The following DNAH14 variants were observed in gnomAD, a reference collection of about 807,000 sequenced individuals.
DNAH14 encodes the protein axonemal beta dynein heavy chain 14.
In DNAH14, 478 loss-of-function variants were observed where a neutral mutation model predicts 520.9. The ratio of observed to expected loss-of-function variants is 0.92; its 90% confidence interval spans 0.85 to 0.99. The LOEUF is 0.99. Ranked by LOEUF, DNAH14 falls within the 50% of genes least tolerant of loss-of-function variation. The pLI is 0.00. For synonymous variants in DNAH14, 1,581 were observed against 1,757.2 expected (o/e 0.90, Z 2.51); for missense variants, 4,831 against 5,234.5 (o/e 0.92, Z 2.38).
At chr1:225,152,664 GT>G (rs754226673) in intron 32 of DNAH14, 32 bp from the exon 33 acceptor site, 12 of 1,501,820 alleles carry the variant, frequency 8.0e-6, no homozygotes, top group Non-Finnish European at 1.1e-5. Context: ...GAGAAGTGGT[GT>G]TTTTATTGTT....
intron 1 of DNAH14, among the ~76,000 whole-genome samples, chr1:224,942,479 A>C (rs1218610486): frequency 1.3e-5 from 2 of 152,074 alleles, no homozygotes; most frequent in Non-Finnish European, 2.9e-5. Context: ...CACTTTTCCT[A>C]ATTGAATACC....
chr1:225,214,376 G>C (rs535020861), intron 41 of DNAH14, among the ~76,000 whole-genome samples: 68 of 151,976 alleles, frequency 4.5e-4, no homozygotes, highest in African/African-American at 1.6e-3. Flanking sequence ...TCTCTTTTTT[G>C]GTTGTGTCTC....
At position 225,165,570 on chromosome 1, in the gene DNAH14, T is replaced by TTGG. The variant is rs2081963729; in HGVS notation, c.5446-2368_5446-2367insGGT. On this transcript the variant is annotated intron_variant, in intron 35 of 85. Transcript: ENST00000682510. ...TTTGTTTTTTTTTTTTACTTGTTTGTTTGGTTGGTTGGTTGGTTGGTTGGT... is the reference window on the plus strand; with the variant it reads ...TTTGTTTTTTTTTTTTACTTGTTTGTTGGTTGGTTGGTTGGTTGGTTGGTTGGT... Among the ~76,000 whole-genome samples, 4 of 150,502 alleles carry TTGG rather than the reference T, an allele frequency of 2.7e-5. No homozygotes were observed. The South Asian group carries it at 8.5e-4, about 32-fold the overall frequency.
At chr1:225,333,862 A>C (rs1001216938) in intron 66 of DNAH14, among the ~76,000 whole-genome samples, 1 of 152,210 alleles carries the variant, frequency 6.6e-6, no homozygotes, top group African/African-American at 2.4e-5. Flanking sequence ...ACAGCCAAAA[A>C]TATAGAACTA....
intron 43 of DNAH14, among the ~76,000 whole-genome samples, chr1:225,249,550 C>G (rs2092453590): frequency 6.6e-6 from 1 of 152,090 alleles, no homozygotes. Context: ...GGGAAGGGAA[C>G]CTAAGAAGAA....
At chr1:225,038,937 C>A in intron 12 of DNAH14, 114 bp downstream of exon 12, 2 of 847,452 alleles carry the variant, frequency 2.4e-6, no homozygotes, top group Non-Finnish European at 3.5e-6. Flanking sequence ...CCAACATACC[C>A]TCGCCAACAC....
intron 8 of DNAH14, among the ~76,000 whole-genome samples, chr1:224,997,556 C>G (rs2063478718): frequency 6.6e-6 from 1 of 151,840 alleles, no homozygotes; most frequent in African/African-American, 2.4e-5. Context: ...TGAATAGTTG[C>G]TAGTTGAACT....
chr1:225,332,386 T>G (rs1159667621), intron 65 of DNAH14, among the ~76,000 whole-genome samples: 1 of 152,128 alleles, frequency 6.6e-6, no homozygotes, highest in Non-Finnish European at 1.5e-5. Flanking sequence ...ATATCCCAGA[T>G]GGTGAGCACC....
intron 12 of DNAH14, among the ~76,000 whole-genome samples, chr1:225,040,295 A>G (rs1177655474): frequency 6.6e-6 from 1 of 152,180 alleles, no homozygotes; most frequent in Non-Finnish European, 1.5e-5. Context: ...AAATATTCAC[A>G]TGTATTAGTG....
intron 17 of DNAH14, among the ~76,000 whole-genome samples, chr1:225,053,650 A>G (rs1230712952): frequency 5.9e-5 from 9 of 152,176 alleles, no homozygotes; most frequent in Non-Finnish European, 1.2e-4. Context: ...CATCTAGGAC[A>G]TGAATCAACA....
chr1:225,087,110 TAAC>T (rs918509368), intron 21 of DNAH14, among the ~76,000 whole-genome samples: 1 of 151,908 alleles, frequency 6.6e-6, no homozygotes, highest in Non-Finnish European at 1.5e-5. Context: ...AGTGTTGCCT[TAAC>T]AATACCACAC....
Position 225,023,689 on chromosome 1 carries a change from G to A in DNAH14, c.1182G>A (p.Leu394=). ...AAGATGACACAACACATTTCAAGCTGCCTAAATATAGACGTTTATTAGAAA... is the reference window on the plus strand; with the variant it reads ...AAGATGACACAACACATTTCAAGCTACCTAAATATAGACGTTTATTAGAAA... The part of the protein sequence containing the change: ...LSEDDTTHFK[L]PKYRRLLETF... Residue 394 remains leucine (L), a synonymous_variant, in exon 11 of 86, where the codon CTG becomes CTA. Coordinates refer to ENST00000682510, the MANE Select transcript of DNAH14 (RefSeq NM_001367479.1). 5 of 1,550,798 alleles carry A rather than the reference G, an allele frequency of 3.2e-6. No homozygotes were observed. Among genetic ancestry groups the A allele is most frequent in the Non-Finnish European group, 4.4e-6 (5 of 1,146,500 alleles).
At chr1:225,267,271 A>T (rs1421505481) in intron 49 of DNAH14, among the ~76,000 whole-genome samples, 2 of 151,628 alleles carry the variant, frequency 1.3e-5, no homozygotes, top group African/African-American at 4.8e-5. Flanking sequence ...TGTTACATTG[A>T]ACCTAAATCA....
rs1227449091 is a variant in DNAH14, at chr1:225,152,713, G to C, written c.5026G>C (p.Glu1676Gln). Residue 1676 changes from glutamate (E) to glutamine (Q), a missense_variant, in exon 33 of 86, where the codon GAG (glutamate) becomes CAG (glutamine). Glu to Gln is a conservative substitution (Grantham distance 29, BLOSUM62 2). Transcript: ENST00000682510. ...CCTCTTCAGATACGGAGGTGGAGTA[G>C]AGCTCCCAGATAACTTAAAATCTCT... is the stretch of plus-strand genomic sequence containing the variant. The part of the protein sequence containing the change: ...TMNPRYGGGV[E>Q]LPDNLKSLFR... 2 of 1,548,826 alleles carry C rather than the reference G, an allele frequency of 1.3e-6. No homozygotes were observed. The highest frequency in any genetic ancestry group is 1.7e-6 in the Non-Finnish European group (2 of 1,145,856).
chr1:225,338,095 C>A lies in DNAH14; in HGVS notation c.10346C>A (p.Ala3449Glu). The A allele has an allele frequency of 6.4e-7, 1 of 1,550,494 alleles. No individual in the cohort carries two copies. Among genetic ancestry groups the A allele is most frequent in the Non-Finnish European group, 8.7e-7 (1 of 1,146,666 alleles). ...LLETLAPGLKAILKKDIYQKK... is the reference protein window; with the variant it reads ...LLETLAPGLKEILKKDIYQKK... ...GAGACATTAGCTCCAGGCTTAAAGG[C>A]AATTCTGAAAAAGGATATCTATCAG... is the stretch of plus-strand genomic sequence containing the variant. The change falls in exon 68 of 86, where the codon GCA (alanine) becomes GAA (glutamate). Residue 3449 changes from alanine (A) to glutamate (E), a missense_variant. Transcript: ENST00000682510.
At chr1:225,002,052 T>C (rs2063810884) in intron 8 of DNAH14, among the ~76,000 whole-genome samples, 1 of 152,124 alleles carries the variant, frequency 6.6e-6, no homozygotes, top group South Asian at 2.1e-4. Flanking sequence ...TAATTTCTGA[T>C]TATTATATTT....
At chr1:225,192,532 T>C (rs2085580741) in intron 37 of DNAH14, among the ~76,000 whole-genome samples, 164 bp from the exon 38 acceptor site, 2 of 152,138 alleles carry the variant, frequency 1.3e-5, no homozygotes, top group South Asian at 4.1e-4. Flanking sequence ...TGGATAATTT[T>C]AAGAAGTCAA....
chr1:225,335,684 C>T lies in DNAH14; in HGVS notation c.10081-1582C>T, dbSNP rs1558434090. Among the ~76,000 whole-genome samples, 105 of 82,512 alleles carry T rather than the reference C, an allele frequency of 1.3e-3. 26 individuals carry two copies. Among genetic ancestry groups the T allele is most frequent in the African/African-American group, 3.7e-3 (62 of 16,766 alleles). 54.1% of individuals were successfully genotyped at this position (82,512 alleles called of 152,430 possible). A position where few individuals can be genotyped will look rare whatever the true frequency, so the allele number is the denominator to read the frequency against. On this transcript the variant is annotated intron_variant, in intron 66 of 85. Coordinates refer to ENST00000682510, the MANE Select transcript of DNAH14 (RefSeq NM_001367479.1). ...ATACATATGTGCATATATGTATATA[C>T]GCATATATACATATGTGCATATATG...
chr1:225,198,824 G>A (rs538644380), intron 38 of DNAH14, among the ~76,000 whole-genome samples: 2 of 152,060 alleles, frequency 1.3e-5, no homozygotes, highest in Non-Finnish European at 2.9e-5. Context: ...TCCTTTCCTG[G>A]TTTTGGTATT....
Sources: gnomAD v4.1 joint callset for allele counts (sites outside exome capture counted in the v4.1 genomes callset) on GRCh38, gnomAD v4.1.1 for gene constraint, MANE v1.5 for transcripts, NCBI Gene and HGNC (gene_info 2026-07-23, HGNC 2026-07-21) for gene names.